The following CLDN10 variants were observed in gnomAD, a reference collection of about 807,000 sequenced individuals.
CLDN10 encodes the protein claudin-10.
A neutral mutation model predicts 22.9 loss-of-function variants in CLDN10; 15 were observed. The observed-to-expected ratio is 0.65, with a 90% confidence interval of 0.44 to 1.01. The LOEUF is 1.01. Among genes scored for constraint, CLDN10 ranks in the 50% least tolerant of loss-of-function variants. The pLI, the probability that CLDN10 is intolerant of heterozygous loss-of-function variation, is 0.00. For missense variants in CLDN10, 247 were observed against 287.8 expected (o/e 0.86, Z 1.03); for synonymous variants, 114 against 111.4 (o/e 1.02, Z -0.15).
chr13:95,557,719 G>A (rs986443939), intron 1 of CLDN10, among the ~76,000 whole-genome samples: 2 of 152,162 alleles, frequency 1.3e-5, no homozygotes, highest in African/African-American at 4.8e-5. Context: ...TCATGCTTGT[G>A]TCAAGAGACC....
intron 3 of CLDN10, among the ~76,000 whole-genome samples, chr13:95,566,043 T>G (rs1010914384): frequency 3.9e-5 from 6 of 152,308 alleles, no homozygotes; most frequent in Admixed American, 2.0e-4. Context: ...CATTTGGGTT[T>G]GTTCCAACTC....
At chr13:95,558,078 GTTTA>G (rs1172523818) in intron 1 of CLDN10, among the ~76,000 whole-genome samples, 2 of 151,914 alleles carry the variant, frequency 1.3e-5, no homozygotes, top group Non-Finnish European at 2.9e-5. Flanking sequence ...CCATTTTTTT[GTTTA>G]TTTAATGACT....
chr13:95,561,181 T>G (rs1182246285), intron 3 of CLDN10, among the ~76,000 whole-genome samples: 1 of 152,242 alleles, frequency 6.6e-6, no homozygotes, highest in Non-Finnish European at 1.5e-5. Flanking sequence ...TACCTAAGAA[T>G]GTATCTACAT....
chr13:95,491,113 T>A (rs1350853921), intron 1 of CLDN10, among the ~76,000 whole-genome samples: 8 of 152,250 alleles, frequency 5.3e-5, no homozygotes, highest in Non-Finnish European at 1.2e-4. Flanking sequence ...GAAATGCCTT[T>A]TTCCACCCCT....
intron 3 of CLDN10, among the ~76,000 whole-genome samples, chr13:95,569,683 GTAA>G (rs1197660841): frequency 6.6e-6 from 1 of 152,216 alleles, no homozygotes; most frequent in Non-Finnish European, 1.5e-5. Context: ...TTAGAGATAA[GTAA>G]TAATTTAAAG....
intron 1 of CLDN10, among the ~76,000 whole-genome samples, chr13:95,513,092 T>C (rs2043122040): frequency 6.6e-6 from 1 of 152,034 alleles, no homozygotes; most frequent in African/African-American, 2.4e-5. Context: ...GCTGCCCAGG[T>C]TGGTCTTGAT....
chr13:95,451,236 C>A (rs965486572), intron 1 of CLDN10, among the ~76,000 whole-genome samples: 1 of 152,226 alleles, frequency 6.6e-6, no homozygotes, highest in Non-Finnish European at 1.5e-5. Flanking sequence ...CTGCTTCAAT[C>A]GAACTGGACT....
At chr13:95,548,806 C>T (rs750495555), upstream of CLDN10, among the ~76,000 whole-genome samples, 4 of 152,098 alleles carry the variant, frequency 2.6e-5, no homozygotes, top group Non-Finnish European at 4.4e-5. Context: ...ATTAGCAGCA[C>T]GCCACCTCAC....
At chr13:95,524,081 G>A (rs1028053531) in intron 1 of CLDN10, among the ~76,000 whole-genome samples, 1 of 143,822 alleles carries the variant, frequency 7.0e-6, no homozygotes, top group Non-Finnish European at 1.5e-5. Context: ...TTGGTCTTAG[G>A]TACTTTGACT....
At chr13:95,559,813 C>G (rs2043681919) in intron 1 of CLDN10, among the ~76,000 whole-genome samples, 2 of 152,152 alleles carry the variant, frequency 1.3e-5, no homozygotes, top group African/African-American at 4.8e-5. Flanking sequence ...GGGATGGAAT[C>G]CATGTCTGCC....
At chr13:95,570,516 TA>T (rs1182875761) in intron 3 of CLDN10, among the ~76,000 whole-genome samples, 2 of 152,212 alleles carry the variant, frequency 1.3e-5, no homozygotes, top group African/African-American at 4.8e-5. Context: ...CAAGAATTAG[TA>T]CTTCTGTGTA....
At chr13:95,502,858 C>T (rs973648821) in intron 1 of CLDN10, among the ~76,000 whole-genome samples, 1 of 152,174 alleles carries the variant, frequency 6.6e-6, no homozygotes, top group Non-Finnish European at 1.5e-5. Flanking sequence ...TGCACTCTCC[C>T]GATGCATTAT....
intron 1 of CLDN10, among the ~76,000 whole-genome samples, chr13:95,503,654 C>T (rs2043008571): frequency 6.6e-6 from 1 of 152,156 alleles, no homozygotes; most frequent in South Asian, 2.1e-4. Context: ...GAATATTATT[C>T]AGCCTTAAAA....
chr13:95,512,755 G>A (rs552771720), intron 1 of CLDN10, among the ~76,000 whole-genome samples: 18 of 152,280 alleles, frequency 1.2e-4, no homozygotes, highest in African/African-American at 4.1e-4. Context: ...AACCCTATAG[G>A]CTTCCTTAGG....
intron 1 of CLDN10, among the ~76,000 whole-genome samples, chr13:95,505,372 G>A (rs1185782445): frequency 6.6e-6 from 1 of 152,206 alleles, no homozygotes; most frequent in Non-Finnish European, 1.5e-5. Context: ...CAAATGCAGA[G>A]AGCCACATTC....
At chr13:95,569,419 A>T (rs951628859) in intron 3 of CLDN10, among the ~76,000 whole-genome samples, 1 of 152,084 alleles carries the variant, frequency 6.6e-6, no homozygotes, top group African/African-American at 2.4e-5. Flanking sequence ...CCCTGACTCT[A>T]TGAAAAATAC....
At chr13:95,477,110 A>G (rs1318497949) in intron 1 of CLDN10, among the ~76,000 whole-genome samples, 1 of 152,094 alleles carries the variant, frequency 6.6e-6, no homozygotes, top group Non-Finnish European at 1.5e-5. Context: ...GATGACTCTC[A>G]CTGAAGAGAG....
chr13:95,471,455 T>TATA (rs1566287029), intron 1 of CLDN10, among the ~76,000 whole-genome samples: 15 of 71,484 alleles, frequency 2.1e-4, no homozygotes, highest in South Asian at 2.0e-3. Flanking sequence ...ATATATATAT[T>TATA]TTTTTTTTTT....
intron 1 of CLDN10, among the ~76,000 whole-genome samples, chr13:95,488,335 C>A (rs757010802): frequency 1.3e-5 from 2 of 151,558 alleles, no homozygotes; most frequent in African/African-American, 4.9e-5. Flanking sequence ...AACCACCATG[C>A]CTGGCCTCAA....
Sources: allele counts gnomAD v4.1 joint callset (sites outside exome capture counted in the v4.1 genomes callset), GRCh38; gene constraint gnomAD v4.1.1; transcripts MANE v1.5; gene names NCBI Gene and HGNC (gene_info 2026-07-23, HGNC 2026-07-21).